FIG4: variants seen among roughly 807,000 people sequenced by gnomAD.
FIG4 encodes the protein FIG4 phosphoinositide 5-phosphatase.
FIG4 carries 112 observed loss-of-function variants against 118.6 expected under a neutral mutation model. The ratio of observed to expected loss-of-function variants is 0.94; its 90% CI spans 0.81 to 1.11. FIG4 has a LOEUF of 1.11. Among genes scored for constraint, FIG4 ranks in the 50% least tolerant of loss-of-function variants. The probability of loss-of-function intolerance (pLI) is 0.00; values close to 1 mark genes in which losing one functional copy is unlikely to be tolerated. For missense variants in FIG4, 969 were observed against 1,111.7 expected, an observed-to-expected ratio of 0.87 and a Z score of 1.83; for synonymous variants, 369 against 381.2, an observed-to-expected ratio of 0.97 and a Z score of 0.37.
In FIG4 at chr6:109,744,309, T is replaced by TGGGAAAGCA. The variant is rs575202510; in HGVS notation, c.1137+539_1137+540insGAAAGCAGG. Among the ~76,000 whole-genome samples the TGGGAAAGCA allele has an allele frequency of 4.6e-3, 697 of 152,246 alleles. 3 individuals are homozygous for TGGGAAAGCA. Among genetic ancestry groups the TGGGAAAGCA allele is most frequent in the African/African-American group, 0.015 (610 of 41,566 alleles). On this transcript the variant is annotated intron_variant, in intron 10 of 22. Coordinates refer to ENST00000230124, the MANE Select transcript of FIG4 (RefSeq NM_014845.6). ...TTAGCCTCATAGTTCCCTGCTTTCT[T>TGGGAAAGCA]GGCAGAGTACACTGACTGGTCAGCA...
At position 109,791,400 on chromosome 6, in the gene FIG4, T is replaced by C. The variant is rs1296604066; in HGVS notation, c.2205T>C (p.Ala735=). 2 of 1,613,236 alleles carry C rather than the reference T, an allele frequency of 1.2e-6. No homozygotes were observed. The highest frequency in any genetic ancestry group is 1.3e-5 in the African/African-American group (1 of 74,920). ...VLGNKSNREE[A]VLQRKTAASA... ...GAAACAAAAGCAATAGAGAAGAAGC[T>C]GTATTACAGCGGAAAACGGCAGCCA... is the stretch of plus-strand genomic sequence containing the variant. Residue 735 remains alanine (A), a synonymous_variant, in exon 20 of 23, where the codon GCT becomes GCC. Transcript: ENST00000230124.
At chr6:109,691,591 C>T (rs867674950) in intron 1 of FIG4, 90 bp downstream of exon 1, 6 of 1,094,630 alleles carry the variant, frequency 5.5e-6, no homozygotes, top group Middle Eastern at 2.6e-4. Flanking sequence ...TACTCTGCCT[C>T]CTCCTCCTTC....
intron 10 of FIG4, among the ~76,000 whole-genome samples, chr6:109,758,883 C>G (rs1397525253): frequency 6.6e-6 from 1 of 152,168 alleles, no homozygotes; most frequent in Non-Finnish European, 1.5e-5. Context: ...TAGAAAAATG[C>G]AAATCAAAAC....
chr6:109,756,322 G>A (rs1489888858), intron 10 of FIG4, among the ~76,000 whole-genome samples: 1 of 152,184 alleles, frequency 6.6e-6, no homozygotes, highest in African/African-American at 2.4e-5. Flanking sequence ...AGTCTGTTGG[G>A]CTTCCCTTTG....
intron 22 of FIG4, among the ~76,000 whole-genome samples, chr6:109,813,583 A>T (rs1778779010): frequency 6.6e-6 from 1 of 152,184 alleles, no homozygotes; most frequent in Non-Finnish European, 1.5e-5. Flanking sequence ...TGGGTTTGTT[A>T]TGATTATCTT....
At chr6:109,777,124 T>C in intron 16 of FIG4, 64 bp downstream of exon 16, 1 of 1,451,498 alleles carries the variant, frequency 6.9e-7, no homozygotes. Context: ...ATGAGATACT[T>C]TTCATTTTGA....
intron 22 of FIG4, among the ~76,000 whole-genome samples, chr6:109,823,927 C>G (rs1779083521): frequency 6.6e-6 from 1 of 152,232 alleles, no homozygotes. Context: ...GCCCCTCACA[C>G]TGCCTTGTTA....
chr6:109,766,439 C>A (rs901911345), intron 14 of FIG4, among the ~76,000 whole-genome samples: 1 of 152,172 alleles, frequency 6.6e-6, no homozygotes, highest in Non-Finnish European at 1.5e-5. Flanking sequence ...TGGCAGGCTG[C>A]AGAAAGTTAG....
chr6:109,708,992 T>C (rs1466176761), intron 1 of FIG4, among the ~76,000 whole-genome samples: 1 of 152,244 alleles, frequency 6.6e-6, no homozygotes, highest in Non-Finnish European at 1.5e-5. Context: ...CATTTTTTGC[T>C]TCTGTTGCAA....
chr6:109,778,470 C>CAAAAAA (rs111576515), intron 16 of FIG4, among the ~76,000 whole-genome samples: 1 of 143,044 alleles, frequency 7.0e-6, no homozygotes, highest in African/African-American at 2.6e-5. Flanking sequence ...ACCTCTGTCT[C>CAAAAAA]AAAAAAAAAA....
At chr6:109,754,222 GTT>G (rs1776807302) in intron 10 of FIG4, among the ~76,000 whole-genome samples, 1 of 152,112 alleles carries the variant, frequency 6.6e-6, no homozygotes. Flanking sequence ...CTTTGGTTCT[GTT>G]TATATGCTGG....
At chr6:109,788,911 A>G (rs1778060890) in intron 18 of FIG4, among the ~76,000 whole-genome samples, 1 of 152,212 alleles carries the variant, frequency 6.6e-6, no homozygotes, top group Non-Finnish European at 1.5e-5. Context: ...TTCAGCAGTA[A>G]TGGTGAGGTG....
chr6:109,801,508 A>G (rs1425078923), intron 22 of FIG4, among the ~76,000 whole-genome samples: 5 of 152,158 alleles, frequency 3.3e-5, no homozygotes, highest in Non-Finnish European at 7.4e-5. Context: ...AGATTGTGAC[A>G]CTGCACTCCA....
Position 109,724,570 on chromosome 6 carries a change from G to C in FIG4, c.290-2539G>C, listed in dbSNP as rs137857814. Among the ~76,000 whole-genome samples, 988 of 152,234 alleles carry C rather than the reference G, an allele frequency of 6.5e-3. 8 individuals carry two copies. The highest frequency in any genetic ancestry group is 7.7e-3 in the Non-Finnish European group (521 of 68,022). On this transcript the variant is annotated intron_variant, in intron 3 of 22. Transcript: ENST00000230124. ...TTGTCTCCCAGTTCTTGTAACTGCTGTAGCTTCTCCAAGTAGTGGTTTAGT... is the reference window on the plus strand; with the variant it reads ...TTGTCTCCCAGTTCTTGTAACTGCTCTAGCTTCTCCAAGTAGTGGTTTAGT...
At chr6:109,811,194 A>G (rs975547028) in intron 22 of FIG4, among the ~76,000 whole-genome samples, 5 of 152,240 alleles carry the variant, frequency 3.3e-5, no homozygotes, top group Non-Finnish European at 2.9e-5. Context: ...CAAGTGAAGC[A>G]GAGCTGTTTG....
intron 21 of FIG4, 43 bp downstream of exon 21, chr6:109,792,707 A>G: frequency 1.0e-6 from 1 of 961,330 alleles, no homozygotes; most frequent in Non-Finnish European, 1.6e-6. Flanking sequence ...ATGAATATTT[A>G]TAATTACAGT....
intron 16 of FIG4, among the ~76,000 whole-genome samples, chr6:109,779,052 G>A (rs988719839): frequency 9.9e-5 from 15 of 151,952 alleles, no homozygotes; most frequent in African/African-American, 3.6e-4. Flanking sequence ...TATAAATGGA[G>A]CACTGCTAAT....
chr6:109,750,611 C>T (rs74342516), intron 10 of FIG4, among the ~76,000 whole-genome samples: 3,174 of 151,996 alleles, frequency 0.021, 55 homozygotes, highest in Non-Finnish European at 0.036. Context: ...CCAGCCTGGG[C>T]GACAGAGTGA....
intron 10 of FIG4, among the ~76,000 whole-genome samples, chr6:109,749,245 A>G (rs1776611709): frequency 1.3e-5 from 2 of 152,106 alleles, no homozygotes; most frequent in Non-Finnish European, 2.9e-5. Flanking sequence ...TGTAAAATAA[A>G]TCATTCAGAT....
Sources: gnomAD v4.1 joint callset for allele counts (sites outside exome capture counted in the v4.1 genomes callset) on GRCh38, gnomAD v4.1.1 for gene constraint, MANE v1.5 for transcripts, NCBI Gene and HGNC (gene_info 2026-07-23, HGNC 2026-07-21) for gene names.